Variants in ARHGAP35 observed in about 807,000 individuals in gnomAD.
ARHGAP35 encodes Rho GTPase activating protein 35.
In ARHGAP35, 15 loss-of-function variants were observed where a neutral mutation model predicts 111.1. That is an observed-to-expected ratio of 0.13 (90% CI 0.09 to 0.21). The LOEUF (loss-of-function observed/expected upper bound fraction) is 0.21, where lower values mean the gene tolerates loss of function less well. Among genes scored for constraint, ARHGAP35 ranks in the 10% least tolerant of loss-of-function variants. The pLI is 1.00. For synonymous variants in ARHGAP35, 643 were observed against 710.3 expected (o/e 0.91, Z 1.51); for missense variants, 1,262 against 1,873.0 (o/e 0.67, Z 6.02).
At chr19:46,867,757 T>TG (rs1232761064) in intron 1 of ARHGAP35, among the ~76,000 whole-genome samples, 4 of 151,916 alleles carry the variant, frequency 2.6e-5, no homozygotes, top group Admixed American at 6.6e-5. Context: ...TGCTAAAGTT[T>TG]TTTGTTGTTG....
chr19:46,968,280 G>A (rs538396898), intron 3 of ARHGAP35, among the ~76,000 whole-genome samples: 6 of 152,208 alleles, frequency 3.9e-5, no homozygotes, highest in Non-Finnish European at 7.3e-5. Flanking sequence ...TAGTGTAGGG[G>A]CACAGCATGT....
chr19:46,921,693 C>T lies in ARHGAP35; in HGVS notation c.3018C>T (p.Ser1006=), dbSNP rs749060709. 1 of 1,613,972 alleles carries T rather than the reference C, an allele frequency of 6.2e-7. No individual in the cohort carries two copies. The highest frequency in any genetic ancestry group is 2.2e-5 in the East Asian group (1 of 44,878). The change falls in exon 2 of 7, where the codon TCC becomes TCT. Residue 1006 remains serine, a synonymous_variant. Transcript: ENST00000672722. The surrounding 1 kb of genome is among the most constrained non-coding windows in gnomAD (Gnocchi z 4.3). Reference sequence around the variant, plus strand: ...AAGACACATCACTGCCTTCTCTGTCCAAAGACCATTCTAAGCTCTCTATGG... The same window carrying T: ...AAGACACATCACTGCCTTCTCTGTCTAAAGACCATTCTAAGCTCTCTATGG... The part of the protein sequence containing the change: ...FREDTSLPSL[S]KDHSKLSMEL...
chr19:46,888,837 CA>C (rs769595005), intron 1 of ARHGAP35, among the ~76,000 whole-genome samples: 5,101 of 57,410 alleles, frequency 0.089, 201 homozygotes, highest in Admixed American at 0.2. Context: ...ACTAAAAATA[CA>C]AAAAAAAAAA....
At chr19:46,861,352 C>CCCA (rs1400436280) in intron 1 of ARHGAP35, among the ~76,000 whole-genome samples, 143 bp downstream of exon 1, 1 of 149,986 alleles carries the variant, frequency 6.7e-6, no homozygotes, top group Non-Finnish European at 1.5e-5. Flanking sequence ...GGCCCCCCCC[C>CCCA]CAGCCCCCCG....
intron 3 of ARHGAP35, among the ~76,000 whole-genome samples, chr19:46,972,678 T>C (rs2122296724): frequency 6.6e-6 from 1 of 152,236 alleles, no homozygotes; most frequent in Admixed American, 6.5e-5. Flanking sequence ...AGAGATAATA[T>C]GTACCAAGTG....
At chr19:46,879,447 C>T (rs968927374) in intron 1 of ARHGAP35, among the ~76,000 whole-genome samples, 1 of 122,246 alleles carries the variant, frequency 8.2e-6, no homozygotes, top group African/African-American at 3.1e-5. Flanking sequence ...ATTAGCTGAG[C>T]GTGGTGACAC....
At chr19:46,888,306 ATATATAT>A (rs2056005240) in intron 1 of ARHGAP35, among the ~76,000 whole-genome samples, 1 of 69,890 alleles carries the variant, frequency 1.4e-5, no homozygotes, top group African/African-American at 5.7e-5. Flanking sequence ...ATATATATAT[ATATATAT>A]ATATAAAATA....
Position 46,999,327 on chromosome 19 carries a change from T to C in ARHGAP35, c.4060T>C (p.Leu1354=), listed in dbSNP as rs1402145823. Residue 1354 remains leucine (L), a synonymous_variant, in exon 6 of 7, where the codon TTG becomes CTG. Transcript: ENST00000672722. This position sits in a 1 kb window ranked among gnomAD's most constrained non-coding sequence, Gnocchi z 5.4. The part of the protein sequence containing the change: ...AHKINDREQK[L]HALKEVLKKF... Reference sequence around the variant, plus strand: ...AGAAATCAACGACCGGGAGCAGAAGTTGCATGCCCTTAAGGAGGTATTAAA... The same window carrying C: ...AGAAATCAACGACCGGGAGCAGAAGCTGCATGCCCTTAAGGAGGTATTAAA... 1.9e-6 allele frequency: 3 copies of C among 1,591,590 alleles called. No individual in the cohort carries two copies. The highest frequency in any genetic ancestry group is 2.3e-5 in the East Asian group (1 of 44,056).
rs1221858717 is a variant in ARHGAP35, at chr19:46,988,295, A to T, written c.3904+229A>T. Reference sequence around the variant, plus strand: ...CTGCCCAAGCTGGGTCATGTAGGCCACTCCCCACACTGCCACTCACAGATG... The same window carrying T: ...CTGCCCAAGCTGGGTCATGTAGGCCTCTCCCCACACTGCCACTCACAGATG... On this transcript the variant is annotated intron_variant, in intron 4 of 6. Transcript: ENST00000672722. This position sits in a 1 kb window ranked among gnomAD's most constrained non-coding sequence, Gnocchi z 5.4. The T allele has an allele frequency of 5.7e-5, 29 of 507,122 alleles. No individual in the cohort carries two copies. In the East Asian group the frequency reaches 1.0e-3, roughly 18 times the overall value. 31.4% of individuals were successfully genotyped at this position (507,122 alleles called of 1,614,324 possible). A position where few individuals can be genotyped will look rare whatever the true frequency, so the allele number is the denominator to read the frequency against.
At chr19:46,874,054 TAATTA>T (rs1441052625) in intron 1 of ARHGAP35, among the ~76,000 whole-genome samples, 1 of 152,190 alleles carries the variant, frequency 6.6e-6, no homozygotes, top group African/African-American at 2.4e-5. Context: ...GCTAAGCTAT[TAATTA>T]AATTTTTTTT....
intron 1 of ARHGAP35, among the ~76,000 whole-genome samples, chr19:46,884,012 G>A (rs905719736): frequency 1.3e-5 from 2 of 152,254 alleles, no homozygotes; most frequent in East Asian, 1.9e-4. Context: ...CCGAGATTGC[G>A]CCAGTGCACT....
chr19:46,991,123 G>A (rs553165275), intron 5 of ARHGAP35, among the ~76,000 whole-genome samples: 144 of 152,304 alleles, frequency 9.5e-4, no homozygotes, highest in Non-Finnish European at 2.8e-4. Flanking sequence ...CCTGCTGTCT[G>A]AAGATAGAGG....
chr19:46,910,510 T>G (rs1313351947), intron 1 of ARHGAP35, among the ~76,000 whole-genome samples: 1 of 151,788 alleles, frequency 6.6e-6, no homozygotes, highest in Non-Finnish European at 1.5e-5. Flanking sequence ...CAGGCTGGTC[T>G]CAGACTCCTG....
At chr19:46,916,585 G>A (rs1043756925) in intron 1 of ARHGAP35, among the ~76,000 whole-genome samples, 4 of 152,126 alleles carry the variant, frequency 2.6e-5, no homozygotes, top group African/African-American at 9.7e-5. Flanking sequence ...AACTAAACAG[G>A]GGACAGGCCT....
At chr19:46,961,107 C>G (rs2056479965) in intron 3 of ARHGAP35, among the ~76,000 whole-genome samples, 2 of 152,248 alleles carry the variant, frequency 1.3e-5, no homozygotes, top group South Asian at 4.1e-4. Flanking sequence ...GTTGGCCAGG[C>G]TGGTCTCGAA....
intron 3 of ARHGAP35, 126 bp from the exon 4 acceptor site, chr19:46,987,863 C>A: frequency 3.8e-6 from 3 of 790,808 alleles, no homozygotes; most frequent in Non-Finnish European, 6.3e-6. Flanking sequence ...TGTGCTGAGG[C>A]CTGCTCCTCT....
intron 3 of ARHGAP35, among the ~76,000 whole-genome samples, chr19:46,977,603 C>T (rs10420498): frequency 0.24 from 36,933 of 152,162 alleles, 4,715 homozygotes; most frequent in Middle Eastern, 0.29. Context: ...CTGCCTGCTC[C>T]TGTGAACTCA....
chr19:46,941,876 T>TAAA (rs71179279), intron 3 of ARHGAP35, among the ~76,000 whole-genome samples: 6,039 of 94,372 alleles, frequency 0.064, 393 homozygotes, highest in African/African-American at 0.15. Context: ...CCTGTCTCTT[T>TAAA]AAAAAAAAAA....
chr19:46,916,603 C>T (rs2056165380), intron 1 of ARHGAP35, among the ~76,000 whole-genome samples: 5 of 152,154 alleles, frequency 3.3e-5, no homozygotes, highest in Admixed American at 2.0e-4. Flanking sequence ...CCTCACAGAG[C>T]TTGCATTCTT....
Sources: allele counts gnomAD v4.1 joint callset (sites outside exome capture counted in the v4.1 genomes callset), GRCh38; gene constraint gnomAD v4.1.1; non-coding constraint Gnocchi (gnomAD v3.1); transcripts MANE v1.5; gene names NCBI Gene and HGNC (gene_info 2026-07-23, HGNC 2026-07-21).